The following UNC5C variants were observed in gnomAD, a reference collection of about 807,000 sequenced individuals.
The protein encoded by UNC5C is unc-5 netrin receptor C.
In UNC5C, 47 loss-of-function variants were observed where a neutral mutation model predicts 99.8. The ratio of observed to expected loss-of-function variants is 0.47; its 90% confidence interval spans 0.37 to 0.60. The LOEUF is 0.60. Among genes scored for constraint, UNC5C ranks in the 20% least tolerant of loss-of-function variants. The probability of loss-of-function intolerance (pLI) is 0.00; values close to 1 mark genes in which losing one functional copy is unlikely to be tolerated. For synonymous variants in UNC5C, 487 were observed against 452.2 expected, an observed-to-expected ratio of 1.08 and a Z score of -0.98; for missense variants, 1,062 against 1,165.9, an observed-to-expected ratio of 0.91 and a Z score of 1.30.
chr4:95,453,126 C>T (rs181919470), intron 1 of UNC5C, among the ~76,000 whole-genome samples: 102 of 152,254 alleles, frequency 6.7e-4, no homozygotes, highest in African/African-American at 2.4e-3. Flanking sequence ...CTCACTCTAA[C>T]ACTGGGTGAG....
At chr4:95,224,574 C>T (rs1339419595) in intron 7 of UNC5C, among the ~76,000 whole-genome samples, 2 of 151,894 alleles carry the variant, frequency 1.3e-5, no homozygotes, top group Non-Finnish European at 2.9e-5. Context: ...TTATCTGAAA[C>T]TGCAATCTCA....
At chr4:95,478,644 A>G (rs886614585) in intron 1 of UNC5C, among the ~76,000 whole-genome samples, 1 of 151,938 alleles carries the variant, frequency 6.6e-6, no homozygotes, top group South Asian at 2.1e-4. Flanking sequence ...TCTTTAATCA[A>G]TCTGCATTTT....
chr4:95,301,621 A>G lies in UNC5C; in HGVS notation c.475T>C (p.Tyr159His). ...SAGTTKSRKAYVRIAYLRKTF... is the reference protein window; with the variant it reads ...SAGTTKSRKAHVRIAYLRKTF... ...AATGACTCACATGCAATGCGCACAT[A>G]CGCCTTCCGGCTCTTTGTGGTACCC... is the stretch of plus-strand genomic sequence containing the variant. Residue 159 changes from tyrosine to histidine, a missense_variant, in exon 3 of 16, where the codon TAT becomes CAT. Tyr to His is a moderately conservative substitution (Grantham distance 83). Coordinates refer to ENST00000453304, the MANE Select transcript of UNC5C (RefSeq NM_003728.4). The G allele has an allele frequency of 6.2e-7, 1 of 1,614,046 alleles. No individual in the cohort carries two copies. The highest frequency in any genetic ancestry group is 8.5e-7 in the Non-Finnish European group (1 of 1,180,012).
chr4:95,194,199 C>G (rs1737280043), intron 12 of UNC5C, among the ~76,000 whole-genome samples: 1 of 152,178 alleles, frequency 6.6e-6, no homozygotes, highest in Non-Finnish European at 1.5e-5. Context: ...TGTCACTTGT[C>G]TACCTCTGGG....
intron 1 of UNC5C, among the ~76,000 whole-genome samples, chr4:95,395,291 G>C (rs565143805): frequency 6.6e-6 from 1 of 152,330 alleles, no homozygotes; most frequent in East Asian, 1.9e-4. Flanking sequence ...AAAGCCATTA[G>C]TCTAGTTGTA....
intron 7 of UNC5C, among the ~76,000 whole-genome samples, chr4:95,232,883 T>C (rs1234346609): frequency 6.6e-6 from 1 of 152,128 alleles, no homozygotes; most frequent in Admixed American, 6.5e-5. Flanking sequence ...AGCTATGACA[T>C]CAACTTCTTC....
intron 3 of UNC5C, among the ~76,000 whole-genome samples, chr4:95,292,261 ATATAT>A (rs1220594869): frequency 0.19 from 16,895 of 88,350 alleles, 1,103 homozygotes; most frequent in East Asian, 0.26. Flanking sequence ...ATATATATAT[ATATAT>A]AAATTTTTTT....
intron 1 of UNC5C, among the ~76,000 whole-genome samples, chr4:95,354,479 A>ATATATATATATATATATATATTTTTTT: frequency 9.1e-6 from 1 of 110,352 alleles, no homozygotes; most frequent in South Asian, 2.9e-4. Flanking sequence ...ATATATATAT[A>ATATATATATATATATATATATTTTTTT]TTTTTTTTTT....
chr4:95,427,577 T>C (rs1467300150), intron 1 of UNC5C, among the ~76,000 whole-genome samples: 2 of 152,142 alleles, frequency 1.3e-5, no homozygotes, highest in African/African-American at 2.4e-5. Context: ...AGCAAAAATA[T>C]GATAACTTGC....
At chr4:95,326,346 A>C (rs2149415635) in intron 2 of UNC5C, among the ~76,000 whole-genome samples, 1 of 151,640 alleles carries the variant, frequency 6.6e-6, no homozygotes, top group East Asian at 1.9e-4. Flanking sequence ...TTGCTTCTTC[A>C]TAGAGAAAAA....
At chr4:95,513,787 T>G (rs1425612023) in intron 1 of UNC5C, among the ~76,000 whole-genome samples, 1 of 152,284 alleles carries the variant, frequency 6.6e-6, no homozygotes, top group East Asian at 1.9e-4. Context: ...GATATATTTT[T>G]CTTGGACGCT....
intron 2 of UNC5C, among the ~76,000 whole-genome samples, chr4:95,329,711 C>T (rs570522509): frequency 2.6e-5 from 4 of 152,096 alleles, no homozygotes; most frequent in Non-Finnish European, 5.9e-5. Flanking sequence ...TAAAATTAGC[C>T]CTTTGGCTAA....
At chr4:95,283,729 C>T (rs1207309744) in intron 3 of UNC5C, among the ~76,000 whole-genome samples, 2 of 152,182 alleles carry the variant, frequency 1.3e-5, no homozygotes, top group Admixed American at 6.5e-5. Context: ...AAAAAAAAGA[C>T]GAAGTTCTGC....
chr4:95,401,145 A>G (rs960178098), intron 1 of UNC5C, among the ~76,000 whole-genome samples: 1 of 152,008 alleles, frequency 6.6e-6, no homozygotes, highest in African/African-American at 2.4e-5. Flanking sequence ...TTTATTCAAT[A>G]TATTTTGTTA....
Position 95,346,797 on chromosome 4 carries a change from A to G in UNC5C, c.125-11166T>C, listed in dbSNP as rs991431839. On this transcript the variant is annotated intron_variant, in intron 1 of 15. Coordinates refer to ENST00000453304, the MANE Select transcript of UNC5C (RefSeq NM_003728.4). ...ACTAAAAGTAATATACAACAAACCC[A>G]CAACTGGTATCATACTAAATGGGAC... is the stretch of plus-strand genomic sequence containing the variant. 1.2e-4 allele frequency among the ~76,000 whole-genome samples: 19 copies of G among 152,036 alleles called. 1 individual carries two copies. The highest frequency in any genetic ancestry group is 6.2e-4 in the South Asian group (3 of 4,832).
intron 1 of UNC5C, among the ~76,000 whole-genome samples, chr4:95,448,227 T>TGTGAGA (rs1339694230): frequency 4.7e-4 from 47 of 100,144 alleles, no homozygotes; most frequent in African/African-American, 1.6e-3. Flanking sequence ...TGTGTGTGTG[T>TGTGAGA]GAGAGAGAGA....
At chr4:95,471,987 A>T (rs987206596) in intron 1 of UNC5C, among the ~76,000 whole-genome samples, 1 of 152,124 alleles carries the variant, frequency 6.6e-6, no homozygotes, top group African/African-American at 2.4e-5. Flanking sequence ...CATTAAGAGG[A>T]TGTTTTCTGT....
chr4:95,393,553 G>A (rs1745419607), intron 1 of UNC5C, among the ~76,000 whole-genome samples: 1 of 152,182 alleles, frequency 6.6e-6, no homozygotes, highest in African/African-American at 2.4e-5. Context: ...TGATTAGGAA[G>A]TTCCACTGAA....
At chr4:95,371,614 G>A (rs1410418026) in intron 1 of UNC5C, among the ~76,000 whole-genome samples, 1 of 152,052 alleles carries the variant, frequency 6.6e-6, no homozygotes, top group African/African-American at 2.4e-5. Flanking sequence ...TTTTTCACTT[G>A]AGAAACAGGG....
Sources: allele counts gnomAD v4.1 joint callset (sites outside exome capture counted in the v4.1 genomes callset), GRCh38; gene constraint gnomAD v4.1.1; transcripts MANE v1.5; gene names NCBI Gene and HGNC (gene_info 2026-07-23, HGNC 2026-07-21).